The following ZBTB40 variants were observed in gnomAD, a reference collection of about 807,000 sequenced individuals.
The protein encoded by ZBTB40 is zinc finger and BTB domain containing 40, also known as zinc finger and BTB domain-containing protein 40.
Under a neutral mutation model 117.5 loss-of-function variants are expected in ZBTB40, and 60 were observed. The observed-to-expected ratio is 0.51, with a 90% CI of 0.41 to 0.63. The LOEUF (loss-of-function observed/expected upper bound fraction) is 0.63. ZBTB40 is among the 30% of genes least tolerant of loss of function. The pLI is 0.00. For missense variants in ZBTB40, 1,287 were observed against 1,498.5 expected, an observed-to-expected ratio of 0.86 and a Z score of 2.33; for synonymous variants, 525 against 577.1, an observed-to-expected ratio of 0.91 and a Z score of 1.29.
chr1:22,477,554 C>G (rs1046560863), intron 1 of ZBTB40, among the ~76,000 whole-genome samples: 5 of 151,052 alleles, frequency 3.3e-5, no homozygotes, highest in Non-Finnish European at 7.4e-5. Flanking sequence ...GCAGCTGAGG[C>G]AGGAAGATAG....
intron 1 of ZBTB40, among the ~76,000 whole-genome samples, chr1:22,470,476 G>C (rs912738762): frequency 6.6e-6 from 1 of 152,166 alleles, no homozygotes. Flanking sequence ...GAAGCTAGAA[G>C]GGGGATAAAT....
Position 22,438,560 on chromosome 1 carries a change from T to C in ZBTB40, c.-70+9546T>C, listed in dbSNP as rs187119595. On this transcript the variant is annotated intron_variant, in intron 1 of 8. Transcript: ENST00000650433. The stretch of plus-strand genomic sequence containing the variant: ...CCAGAAGTGGAATTGCTGGATCATA[T>C]GGTAATCCTATTTTTAACTTTTTGA... Among the ~76,000 whole-genome samples the C allele has an allele frequency of 9.8e-5, 15 of 152,352 alleles. No individual in the cohort carries two copies. The East Asian group carries it at 2.9e-3, about 29-fold the overall frequency.
intron 1 of ZBTB40, among the ~76,000 whole-genome samples, chr1:22,433,147 A>G (rs922512206): frequency 6.6e-6 from 1 of 152,040 alleles, no homozygotes; most frequent in African/African-American, 2.4e-5. Context: ...AAAATAAGAC[A>G]GCTAGGCCGG....
rs904536898 is a variant in ZBTB40, at chr1:22,501,648, A to G, written c.988A>G (p.Arg330Gly). 7 of 1,614,006 alleles carry G rather than the reference A, an allele frequency of 4.3e-6. No individual in the cohort carries two copies. Among genetic ancestry groups the G allele is most frequent in the Admixed American group, 3.3e-5 (2 of 60,002 alleles). Reference protein sequence around the residue: ...NPAVKTALLDRKPEDVDTVQP... With the variant: ...NPAVKTALLDGKPEDVDTVQP... ...TGCAGTAAAAACAGCACTATTAGAC[A>G]GGAAGCCAGAAGATGTAGACACAGT... Residue 330 changes from arginine (R) to glycine (G), a missense_variant, in exon 4 of 18, where the codon AGG (arginine) becomes GGG (glycine). Coordinates refer to ENST00000375647, the MANE Select transcript of ZBTB40 (RefSeq NM_014870.4).
At chr1:22,491,254 C>T (rs1638623406) in intron 2 of ZBTB40, 146 bp from the exon 3 acceptor site, 3 of 796,492 alleles carry the variant, frequency 3.8e-6, no homozygotes, top group Non-Finnish European at 6.1e-6. Context: ...GTGAGAGATA[C>T]TGTTGTCTGT....
At chr1:22,480,203 G>A (rs1021690870) in intron 1 of ZBTB40, among the ~76,000 whole-genome samples, 2 of 152,118 alleles carry the variant, frequency 1.3e-5, no homozygotes, top group African/African-American at 4.8e-5. Context: ...ACTGCGCCCA[G>A]CCAGGAATTT....
At chr1:22,517,080 T>A (rs1217991638) in intron 12 of ZBTB40, among the ~76,000 whole-genome samples, 3 of 152,290 alleles carry the variant, frequency 2.0e-5, no homozygotes, top group African/African-American at 7.2e-5. Context: ...CTTATTCCTT[T>A]GTCCAACCAC....
intron 1 of ZBTB40, among the ~76,000 whole-genome samples, chr1:22,459,007 A>G (rs549611584): frequency 6.6e-6 from 1 of 152,338 alleles, no homozygotes. Context: ...CTAACAAAGT[A>G]TGCTGTTAAA....
At chr1:22,519,073 G>A (rs1385555836) in intron 13 of ZBTB40, among the ~76,000 whole-genome samples, 2 of 152,192 alleles carry the variant, frequency 1.3e-5, no homozygotes, top group East Asian at 3.8e-4. Flanking sequence ...TGTCTTAGAA[G>A]ATGGTGTAAA....
At chr1:22,440,232 C>T (rs576111236) in intron 1 of ZBTB40, among the ~76,000 whole-genome samples, 3 of 152,228 alleles carry the variant, frequency 2.0e-5, no homozygotes, top group African/African-American at 4.8e-5. Flanking sequence ...GGAATCTTTA[C>T]GGTTTTCTAT....
At chr1:22,441,404 G>A (rs895232713) in intron 1 of ZBTB40, among the ~76,000 whole-genome samples, 1 of 148,324 alleles carries the variant, frequency 6.7e-6, no homozygotes, top group South Asian at 2.2e-4. Flanking sequence ...CCAAGTTTCA[G>A]TTTATTTTTT....
At chr1:22,441,641 C>A (rs140259053) in intron 1 of ZBTB40, among the ~76,000 whole-genome samples, 1 of 151,908 alleles carries the variant, frequency 6.6e-6, no homozygotes, top group Middle Eastern at 3.4e-3. Flanking sequence ...AACCACTGCA[C>A]CCGGCTAATT....
intron 14 of ZBTB40, 102 bp downstream of exon 14, chr1:22,520,377 T>G: frequency 1.1e-6 from 1 of 912,188 alleles, no homozygotes; most frequent in Non-Finnish European, 1.7e-6. Context: ...TCATATCTTG[T>G]ATCCAGGATG....
At position 22,502,362 on chromosome 1, in the gene ZBTB40, A is replaced by G. The variant is rs777989428; in HGVS notation, c.1088A>G (p.Gln363Arg). The G allele has an allele frequency of 1.2e-5, 20 of 1,614,026 alleles. No homozygotes were observed. The highest frequency in any genetic ancestry group is 2.2e-5 in the East Asian group (1 of 44,890). ...CTAGAACACAAAGAGGACCTGATAC[A>G]GTGTGTAACACAGCTGAGACCTATT... is the stretch of plus-strand genomic sequence containing the variant. ...LLLEHKEDLI[Q>R]CVTQLRPIME... Residue 363 changes from glutamine to arginine, a missense_variant, in exon 5 of 18, where the codon CAG becomes CGG. Gln to Arg is a conservative substitution (Grantham distance 43). Around this residue, in one of 2 missense-constraint regions of ZBTB40, gnomAD observed 870 missense variants for 934.4 expected, o/e 0.93. Coordinates refer to ENST00000375647, the MANE Select transcript of ZBTB40 (RefSeq NM_014870.4).
At chr1:22,484,009 C>G (rs1258453612) in intron 1 of ZBTB40, among the ~76,000 whole-genome samples, 1 of 152,152 alleles carries the variant, frequency 6.6e-6, no homozygotes, top group East Asian at 1.9e-4. Context: ...AAAAGATACT[C>G]TTTGCTTCAT....
chr1:22,431,286 T>TATATTCAATATATACA (rs1355186680), intron 1 of ZBTB40, among the ~76,000 whole-genome samples: 58 of 146,258 alleles, frequency 4.0e-4, no homozygotes, highest in South Asian at 1.9e-3. Flanking sequence ...CAATATTGTA[T>TATATTCAATATATACA]ATATTGAATA....
intron 1 of ZBTB40, among the ~76,000 whole-genome samples, chr1:22,477,611 T>G (rs1474454374): frequency 6.8e-6 from 1 of 146,340 alleles, no homozygotes; most frequent in East Asian, 2.0e-4. Flanking sequence ...ATCGCGCCAC[T>G]GCACTCCAGC....
intron 11 of ZBTB40, among the ~76,000 whole-genome samples, chr1:22,512,501 G>T (rs1639267983): frequency 6.6e-6 from 1 of 152,202 alleles, no homozygotes. Flanking sequence ...ATGTTTCCAT[G>T]TGCCACTTGT....
At chr1:22,500,071 T>C (rs7536113) in intron 3 of ZBTB40, among the ~76,000 whole-genome samples, 43,949 of 152,184 alleles carry the variant, frequency 0.29, 7,772 homozygotes, top group East Asian at 0.46. Flanking sequence ...ATAAAGCCTA[T>C]ACATATGACT....
Sources: gnomAD v4.1 joint callset for allele counts (sites outside exome capture counted in the v4.1 genomes callset) on GRCh38, gnomAD v4.1.1 for gene constraint, gnomAD v4.1.1 regional missense constraint, MANE v1.5 for transcripts, NCBI Gene and HGNC (gene_info 2026-07-23, HGNC 2026-07-21) for gene names.